DAZL: variants seen among roughly 807,000 people sequenced by gnomAD.
DAZL encodes deleted in azoospermia like.
Under a neutral mutation model 45.0 loss-of-function variants are expected in DAZL, and 4 were observed. The ratio of observed to expected loss-of-function variants is 0.09; its 90% confidence interval spans 0.04 to 0.20. DAZL has a LOEUF of 0.20. Ranked by LOEUF, DAZL falls within the 10% of genes least tolerant of loss-of-function variation. The pLI is 1.00. For synonymous variants in DAZL, 122 were observed against 112.4 expected, an observed-to-expected ratio of 1.09 and a Z score of -0.54; for missense variants, 326 against 351.3, an observed-to-expected ratio of 0.93 and a Z score of 0.58.
chr3:16,592,122 C>A lies in DAZL; in HGVS notation c.762G>T (p.Thr254=). 1 of 1,613,476 alleles carries A rather than the reference C, an allele frequency of 6.2e-7. No individual in the cohort carries two copies. The highest frequency in any genetic ancestry group is 8.5e-7 in the Non-Finnish European group (1 of 1,179,854). The change falls in exon 10 of 11, where the codon ACG becomes ACT. Residue 254 remains threonine, a synonymous_variant. Coordinates refer to ENST00000399444, the MANE Select transcript of DAZL (RefSeq NM_001351.4). ...QKKSVDRSIQ[T]VVSCLFNPEN... is the part of the protein sequence containing the mutation. Reference sequence around the variant, plus strand: ...CTGGATTAAACAGACAAGATACCACCGTTTGTATGCTTCGGTCCACAGATT... The same window carrying A: ...CTGGATTAAACAGACAAGATACCACAGTTTGTATGCTTCGGTCCACAGATT...
chr3:16,592,879 C>G (rs542741161), intron 9 of DAZL, among the ~76,000 whole-genome samples: 135 of 152,304 alleles, frequency 8.9e-4, no homozygotes, highest in African/African-American at 3.0e-3. Context: ...TCAACTACTT[C>G]TACACTCCCG....
intron 1 of DAZL, among the ~76,000 whole-genome samples, chr3:16,603,599 A>G (rs1026834213): frequency 6.6e-6 from 1 of 152,212 alleles, no homozygotes; most frequent in African/African-American, 2.4e-5. Flanking sequence ...CACCCGCCTC[A>G]GCCTCCTAAA....
chr3:16,592,286 G>C (rs1294356837), intron 9 of DAZL, 138 bp from the exon 10 acceptor site: 10 of 1,318,810 alleles, frequency 7.6e-6, no homozygotes, highest in African/African-American at 1.5e-5. Flanking sequence ...ACTGGGAGTG[G>C]TGGCTCACGC....
chr3:16,596,277 C>T (rs1203003413), intron 6 of DAZL, among the ~76,000 whole-genome samples: 2 of 151,964 alleles, frequency 1.3e-5, no homozygotes, highest in Non-Finnish European at 2.9e-5. Context: ...AAATTATATG[C>T]CAGAAACTCA....
In DAZL at chr3:16,598,598, A is replaced by G. The variant is rs1329533311; in HGVS notation, c.4T>C (p.Ser2Pro). Reference sequence around the variant, plus strand: ...TTTGGAGTTTCAGGATTTGCAGTAGACTGTAATTTGGAAAGTAGACATCAT... The same window carrying G: ...TTTGGAGTTTCAGGATTTGCAGTAGGCTGTAATTTGGAAAGTAGACATCAT... M[S>P]TANPETPNST... The change falls in exon 2 of 11, where the codon TCT becomes CCT. Residue 2 changes from serine (S) to proline (P), a missense_variant and splice_region_variant. Physicochemically the swap from Ser to Pro is moderately conservative, Grantham distance 74. Transcript: ENST00000399444. 2 of 1,594,326 alleles carry G rather than the reference A, an allele frequency of 1.3e-6. No homozygotes were observed. Among genetic ancestry groups the G allele is most frequent in the African/African-American group, 1.3e-5 (1 of 74,732 alleles).
chr3:16,602,162 G>A (rs2125048843), intron 1 of DAZL, among the ~76,000 whole-genome samples: 1 of 152,162 alleles, frequency 6.6e-6, no homozygotes, highest in East Asian at 1.9e-4. Flanking sequence ...AACAATCCTG[G>A]CAAAACTAAG....
intron 1 of DAZL, among the ~76,000 whole-genome samples, chr3:16,603,896 A>G (rs1001293894): frequency 6.6e-5 from 10 of 152,296 alleles, no homozygotes; most frequent in Admixed American, 1.3e-4. Flanking sequence ...TTTAACGGTT[A>G]TAAGTGTTGG....
Position 16,604,443 on chromosome 3 carries a change from G to A in DAZL, c.3+760C>T, listed in dbSNP as rs1575421549. 5 of 1,530,974 alleles carry A rather than the reference G, an allele frequency of 3.3e-6. No homozygotes were observed. The South Asian group carries it at 3.6e-5, about 11-fold the overall frequency. The allele number at this position is 1,530,974 out of a possible 1,614,324, so 94.8% of individuals were successfully genotyped here. On this transcript the variant is annotated intron_variant, in intron 1 of 10. Coordinates refer to ENST00000399444, the MANE Select transcript of DAZL (RefSeq NM_001351.4). ...AATGGTAACTGCTGAAACCAACCTC[G>A]TGCGGCAAAGATGGCGTCAGGCGAG... is the stretch of plus-strand genomic sequence containing the variant.
chr3:16,604,981 C>T (rs1694755593), intron 1 of DAZL, among the ~76,000 whole-genome samples: 1 of 152,252 alleles, frequency 6.6e-6, no homozygotes, highest in African/African-American at 2.4e-5. Context: ...CCCACCCCCA[C>T]CTTGCCGCCC....
chr3:16,595,664 G>T (rs1420715783), intron 6 of DAZL, among the ~76,000 whole-genome samples: 1 of 151,984 alleles, frequency 6.6e-6, no homozygotes, highest in Non-Finnish European at 1.5e-5. Flanking sequence ...TTCCCACCCA[G>T]AAGTTATTTT....
In DAZL at chr3:16,598,063, G is replaced by T. The variant is rs200011533; in HGVS notation, c.242+24C>A. 28 of 1,513,568 alleles carry T rather than the reference G, an allele frequency of 1.8e-5. No individual in the cohort carries two copies. In the East Asian group the frequency reaches 6.0e-4, roughly 32 times the overall value. 93.8% of individuals were successfully genotyped at this position (1,513,568 alleles called of 1,614,324 possible). ...ATACTCTATACGTGGCTAGAGTTCA[G>T]ATATTTTTGATAAAATTACTCACCC... On this transcript the variant is annotated intron_variant, in intron 3 of 10. Transcript: ENST00000399444.
At chr3:16,592,201 A>G in intron 9 of DAZL, 53 bp from the exon 10 acceptor site, 13 of 1,596,890 alleles carry the variant, frequency 8.1e-6, no homozygotes, top group Non-Finnish European at 1.1e-5. Context: ...ACTCACTCTT[A>G]GTAAGGGTTT....
chr3:16,604,478 C>T (rs1694742675), intron 1 of DAZL: 3 of 1,527,668 alleles, frequency 2.0e-6, no homozygotes, highest in Admixed American at 2.0e-5. Flanking sequence ...GCTTTTCTGT[C>T]GCCGCCACAC....
chr3:16,598,168 G>T lies in DAZL; in HGVS notation c.161C>A (p.Thr54Asn). The T allele has an allele frequency of 6.3e-7, 1 of 1,594,966 alleles. No individual in the cohort carries two copies. ...VGGIDVRMDE[T>N]EIRSFFARYG... ...TCTAGCAAAGAAGCTTCTAATCTCA[G>T]TTTCATCCATCTATGGAAAAGAATT... The change falls in exon 3 of 11, where the codon ACT (threonine) becomes AAT (asparagine). Residue 54 changes from threonine (T) to asparagine (N), a missense_variant. By Grantham distance (65) the Thr-to-Asn change is moderately conservative. This residue lies in a region of DAZL where 81 missense variants were observed against 89.6 expected (regional missense o/e 0.90). Coordinates refer to ENST00000399444, the MANE Select transcript of DAZL (RefSeq NM_001351.4).
rs994269897 is a variant in DAZL at position 16,604,666 on chromosome 3, C to T, written c.3+537G>A. The T allele has an allele frequency of 3.1e-5, 42 of 1,356,296 alleles. No homozygotes were observed. The African/African-American group carries it at 5.8e-4, about 19-fold the overall frequency. The allele number at this position is 1,356,296 out of a possible 1,614,324, so 84.0% of individuals were successfully genotyped here. On this transcript the variant is annotated intron_variant, in intron 1 of 10. Transcript: ENST00000399444. ...TACAGGGACCAGGAGGGAACCACTT[C>T]CTAAGGAAGCTCCGGCCCTCGAAGT...
chr3:16,594,829 G>A (rs1694573173), intron 7 of DAZL, among the ~76,000 whole-genome samples: 1 of 151,956 alleles, frequency 6.6e-6, no homozygotes, highest in Non-Finnish European at 1.5e-5. Flanking sequence ...AGAGATATTA[G>A]TTCCTTGAAT....
intron 1 of DAZL, among the ~76,000 whole-genome samples, chr3:16,603,493 C>T (rs764630839): frequency 1.3e-5 from 2 of 151,760 alleles, no homozygotes; most frequent in African/African-American, 2.4e-5. Context: ...ATTACAAGTG[C>T]GCACCACCAC....
In DAZL at chr3:16,588,571, C is replaced by A; in HGVS notation, c.*89G>T. The A allele has an allele frequency of 9.4e-7, 1 of 1,068,604 alleles. No homozygotes were observed. Among genetic ancestry groups the A allele is most frequent in the East Asian group, 2.4e-5 (1 of 41,706 alleles). The allele number at this position is 1,068,604 out of a possible 1,614,324, so 66.2% of individuals were successfully genotyped here. ...TACACAAAGTTTGAGTGTGATTTACCAAAATTCAGAATTTCTATAATAGTG... is the reference window on the plus strand; with the variant it reads ...TACACAAAGTTTGAGTGTGATTTACAAAAATTCAGAATTTCTATAATAGTG... On this transcript the variant is annotated 3_prime_UTR_variant, in exon 11 of 11. Transcript: ENST00000399444.
intron 1 of DAZL, among the ~76,000 whole-genome samples, chr3:16,601,857 G>A (rs1694694652): frequency 6.6e-6 from 1 of 152,162 alleles, no homozygotes; most frequent in Non-Finnish European, 1.5e-5. Flanking sequence ...GACAAAGACA[G>A]CTAAAAGCTG....
Sources: allele counts gnomAD v4.1 joint callset (sites outside exome capture counted in the v4.1 genomes callset), GRCh38; gene constraint gnomAD v4.1.1; regional missense constraint gnomAD v4.1.1; transcripts MANE v1.5; gene names NCBI Gene and HGNC (gene_info 2026-07-23, HGNC 2026-07-21).